The following BTBD1 variants were observed in gnomAD, a reference collection of about 807,000 sequenced individuals.
The protein encoded by BTBD1 is BTB domain containing 1, also known as BTB/POZ domain-containing protein 1.
In BTBD1, 34 loss-of-function variants were observed where a neutral mutation model predicts 48.0. The ratio of observed to expected loss-of-function variants is 0.71; its 90% CI spans 0.54 to 0.94. The LOEUF is 0.94. Ranked by LOEUF, BTBD1 falls within the 40% of genes least tolerant of loss-of-function variation. The pLI, the probability that BTBD1 is intolerant of heterozygous loss-of-function variation, is 0.00. For missense variants in BTBD1, 543 were observed against 625.6 expected (o/e 0.87, Z 1.41); for synonymous variants, 261 against 242.1 (o/e 1.08, Z -0.72).
At chr15:83,038,560 A>C (rs1347738909) in intron 4 of BTBD1, among the ~76,000 whole-genome samples, 5 of 152,202 alleles carry the variant, frequency 3.3e-5, no homozygotes, top group Non-Finnish European at 7.3e-5. Flanking sequence ...TAAAATATGC[A>C]TGGAACAAAA....
chr15:83,050,392 T>C (rs879588136), intron 2 of BTBD1, among the ~76,000 whole-genome samples: 7 of 151,814 alleles, frequency 4.6e-5, no homozygotes, highest in Non-Finnish European at 7.4e-5. Context: ...TAAGAACAAA[T>C]TGACATTACC....
At chr15:83,033,560 A>C (rs535952333) in intron 4 of BTBD1, among the ~76,000 whole-genome samples, 43 of 152,272 alleles carry the variant, frequency 2.8e-4, no homozygotes, top group African/African-American at 9.4e-4. Context: ...TTGTGTAGAA[A>C]ATTTTAATTT....
chr15:83,064,864 C>T (rs971027106), intron 1 of BTBD1, among the ~76,000 whole-genome samples: 1 of 152,130 alleles, frequency 6.6e-6, no homozygotes, highest in African/African-American at 2.4e-5. Context: ...TGAGGTCCCC[C>T]CCCTTTATAA....
intron 4 of BTBD1, among the ~76,000 whole-genome samples, chr15:83,038,206 A>G (rs901858597): frequency 3.9e-5 from 6 of 152,240 alleles, no homozygotes; most frequent in African/African-American, 1.4e-4. Flanking sequence ...GTAACGTTCA[A>G]GCTGAGAGCC....
At chr15:83,043,149 A>G (rs1213396137) in intron 3 of BTBD1, among the ~76,000 whole-genome samples, 1 of 152,216 alleles carries the variant, frequency 6.6e-6, no homozygotes. Context: ...GCCAAAAAAT[A>G]ATAAAATAAA....
At chr15:83,031,840 T>C (rs2032523282) in intron 4 of BTBD1, among the ~76,000 whole-genome samples, 1 of 151,924 alleles carries the variant, frequency 6.6e-6, no homozygotes, top group East Asian at 1.9e-4. Flanking sequence ...CATCACTGAT[T>C]ATCATACATA....
chr15:83,021,164 G>A (rs2032286443), intron 5 of BTBD1, among the ~76,000 whole-genome samples: 1 of 152,190 alleles, frequency 6.6e-6, no homozygotes, highest in South Asian at 2.1e-4. Context: ...TTAGGTACTA[G>A]GCTTGGCACT....
chr15:83,063,246 C>T (rs1301251130), intron 1 of BTBD1, among the ~76,000 whole-genome samples: 1 of 152,210 alleles, frequency 6.6e-6, no homozygotes, highest in Non-Finnish European at 1.5e-5. Context: ...CCTCTCTTCA[C>T]AGTCTACATG....
chr15:83,052,013 G>C (rs537255055), intron 2 of BTBD1, among the ~76,000 whole-genome samples: 1 of 152,128 alleles, frequency 6.6e-6, no homozygotes, highest in East Asian at 1.9e-4. Flanking sequence ...CTGGAGTGCA[G>C]TGGCACAATC....
chr15:83,054,183 A>C (rs1199955577), intron 2 of BTBD1, among the ~76,000 whole-genome samples: 2 of 152,132 alleles, frequency 1.3e-5, no homozygotes, highest in Non-Finnish European at 2.9e-5. Flanking sequence ...TACCAAAATA[A>C]AAAAATTAGC....
At chr15:83,063,296 C>T (rs1178455960) in intron 1 of BTBD1, among the ~76,000 whole-genome samples, 3 of 152,188 alleles carry the variant, frequency 2.0e-5, no homozygotes, top group African/African-American at 4.8e-5. Context: ...GATTTAAATA[C>T]CATTCACTCT....
intron 1 of BTBD1, among the ~76,000 whole-genome samples, chr15:83,058,001 C>T (rs942070853): frequency 4.6e-5 from 7 of 152,242 alleles, no homozygotes; most frequent in African/African-American, 1.4e-4. Flanking sequence ...CAAAGCCATA[C>T]CCAGCAGTCC....
intron 4 of BTBD1, 121 bp from the exon 5 acceptor site, chr15:83,030,449 T>C: frequency 1.3e-6 from 1 of 747,874 alleles, no homozygotes; most frequent in Non-Finnish European, 2.2e-6. Flanking sequence ...AAAAAAATCT[T>C]AGCATATATA....
rs60506388 is a variant in BTBD1, at chr15:83,028,072, TAA to T, written c.1055+2062_1055+2063del. Among the ~76,000 whole-genome samples, 1,228 of 152,278 alleles carry T rather than the reference TAA, an allele frequency of 8.1e-3. 17 individuals carry two copies. Among genetic ancestry groups the T allele is most frequent in the African/African-American group, 0.028 (1,163 of 41,552 alleles). ...AAAGTGGGAATTACAAAATATTTAT[TAA>T]AAAAAGAGAGAACTGGGTTTGATAG... On this transcript the variant is annotated intron_variant, in intron 5 of 7. Coordinates refer to ENST00000261721, the MANE Select transcript of BTBD1 (RefSeq NM_025238.4).
At chr15:83,057,266 G>T (rs2033103319) in intron 1 of BTBD1, among the ~76,000 whole-genome samples, 1 of 152,162 alleles carries the variant, frequency 6.6e-6, no homozygotes, top group African/African-American at 2.4e-5. Context: ...ATACAGTAAG[G>T]CCAAGAGGAA....
At chr15:83,049,985 T>C (rs1040847977) in intron 3 of BTBD1, 88 bp downstream of exon 3, 3 of 718,982 alleles carry the variant, frequency 4.2e-6, no homozygotes, top group Non-Finnish European at 6.8e-6. Context: ...AAGCCACTGA[T>C]TTAAAAATAG....
At chr15:83,056,120 G>C (rs889976883) in intron 2 of BTBD1, among the ~76,000 whole-genome samples, 21 of 152,140 alleles carry the variant, frequency 1.4e-4, no homozygotes, top group African/African-American at 5.1e-4. Flanking sequence ...GGCCAGGCTG[G>C]TCTTGAACTC....
intron 4 of BTBD1, 39 bp downstream of exon 4, chr15:83,041,689 A>G: frequency 6.3e-7 from 1 of 1,594,320 alleles, no homozygotes. Flanking sequence ...AGACTATTAA[A>G]ACAGTTTCAA....
chr15:83,044,917 T>C lies in BTBD1; in HGVS notation c.665-2992A>G. On this transcript the variant is annotated intron_variant, in intron 3 of 7. Coordinates refer to ENST00000261721, the MANE Select transcript of BTBD1 (RefSeq NM_025238.4). Reference sequence around the variant, plus strand: ...TCACATGCAGCTATTTCAAAGTGTCTTGGATTAATTAGGATCATCCCTTTG... The same window carrying C: ...TCACATGCAGCTATTTCAAAGTGTCCTGGATTAATTAGGATCATCCCTTTG... 4.9e-6 allele frequency: 3 copies of C among 612,892 alleles called. No individual in the cohort carries two copies. The South Asian group carries it at 5.7e-5, about 12-fold the overall frequency. 38.0% of individuals were successfully genotyped at this position (612,892 alleles called of 1,614,324 possible). A position where few individuals can be genotyped will look rare whatever the true frequency, so the allele number is the denominator to read the frequency against.
Sources: gnomAD v4.1 joint callset for allele counts (sites outside exome capture counted in the v4.1 genomes callset) on GRCh38, gnomAD v4.1.1 for gene constraint, MANE v1.5 for transcripts, NCBI Gene and HGNC (gene_info 2026-07-23, HGNC 2026-07-21) for gene names.